The following EYS variants were observed in gnomAD, a reference collection of about 807,000 sequenced individuals.
EYS encodes protein eyes shut homolog.
A neutral mutation model predicts 282.1 loss-of-function variants in EYS; 250 were observed. That is an observed-to-expected ratio of 0.89 (90% CI 0.80 to 0.98). The LOEUF (loss-of-function observed/expected upper bound fraction) is 0.98. Ranked by LOEUF, EYS falls within the 50% of genes least tolerant of loss-of-function variation. The probability of loss-of-function intolerance (pLI) is 0.00; values close to 1 mark genes in which losing one functional copy is unlikely to be tolerated. For synonymous variants in EYS, 1,355 were observed against 1,282.9 expected (o/e 1.06, Z -1.20); for missense variants, 4,016 against 3,709.0 (o/e 1.08, Z -2.15).
At chr6:64,900,811 A>G (rs1767629852) in intron 18 of EYS, among the ~76,000 whole-genome samples, 1 of 152,174 alleles carries the variant, frequency 6.6e-6, no homozygotes, top group African/African-American at 2.4e-5. Flanking sequence ...AATTAGTTCA[A>G]CCATTGTGGA....
intron 28 of EYS, among the ~76,000 whole-genome samples, chr6:64,397,864 A>AT (rs1773427557): frequency 6.6e-6 from 1 of 151,616 alleles, no homozygotes; most frequent in Non-Finnish European, 1.5e-5. Context: ...AGGATAGAAA[A>AT]TTTTTTCTAA....
At chr6:64,100,365 G>A (rs1212555955) in intron 31 of EYS, among the ~76,000 whole-genome samples, 1 of 152,026 alleles carries the variant, frequency 6.6e-6, no homozygotes, top group Non-Finnish European at 1.5e-5. Flanking sequence ...TTTTGTGATA[G>A]TTTCTCTTTT....
chr6:63,847,118 G>A (rs1206440442), intron 36 of EYS, among the ~76,000 whole-genome samples: 1 of 152,068 alleles, frequency 6.6e-6, no homozygotes, highest in South Asian at 2.1e-4. Flanking sequence ...CCCTTTTGAA[G>A]TTCATGTTCA....
intron 22 of EYS, among the ~76,000 whole-genome samples, chr6:64,759,374 T>C (rs1583124552): frequency 6.6e-6 from 1 of 152,308 alleles, no homozygotes; most frequent in African/African-American, 2.4e-5. Context: ...TAATAACTTA[T>C]TTTTAGGTAT....
intron 35 of EYS, among the ~76,000 whole-genome samples, chr6:63,945,911 T>C (rs1582010026): frequency 6.6e-6 from 1 of 152,360 alleles, no homozygotes; most frequent in East Asian, 1.9e-4. Flanking sequence ...CAAGTATTTG[T>C]CCCAACTGCC....
intron 35 of EYS, among the ~76,000 whole-genome samples, chr6:63,898,244 G>T (rs140908877): frequency 0.011 from 1,733 of 152,110 alleles, 37 homozygotes; most frequent in African/African-American, 0.04. Context: ...ATCCCAGCAC[G>T]TTGGGAGGCT....
At chr6:65,670,983 T>C (rs72884159) in intron 1 of EYS, among the ~76,000 whole-genome samples, 221 of 152,076 alleles carry the variant, frequency 1.5e-3, no homozygotes, top group South Asian at 3.1e-3. Context: ...CCTTCAGAAA[T>C]ATGTCTTTTC....
intron 40 of EYS, among the ~76,000 whole-genome samples, chr6:63,772,810 T>A (rs920190034): frequency 3.3e-5 from 5 of 152,280 alleles, no homozygotes; most frequent in African/African-American, 1.2e-4. Flanking sequence ...ATCCTTTTAC[T>A]ACTTCTTGTT....
chr6:65,076,460 C>G (rs1216692091), intron 12 of EYS, among the ~76,000 whole-genome samples: 1 of 151,906 alleles, frequency 6.6e-6, no homozygotes, highest in Non-Finnish European at 1.5e-5. Flanking sequence ...TATATATTCT[C>G]TCTTGGTACT....
At chr6:64,169,502 A>T (rs1204534913) in intron 31 of EYS, among the ~76,000 whole-genome samples, 1 of 151,444 alleles carries the variant, frequency 6.6e-6, no homozygotes, top group Non-Finnish European at 1.5e-5. Context: ...TCATGAAGAT[A>T]TAGCAAGCTG....
chr6:64,752,362 T>C (rs1772785942), intron 22 of EYS, among the ~76,000 whole-genome samples: 1 of 151,924 alleles, frequency 6.6e-6, no homozygotes, highest in Non-Finnish European at 1.5e-5. Context: ...AATTACAAAA[T>C]ATAGTTGAAA....
chr6:64,309,842 G>A (rs1769607256), intron 29 of EYS, among the ~76,000 whole-genome samples: 1 of 151,844 alleles, frequency 6.6e-6, no homozygotes, highest in Non-Finnish European at 1.5e-5. Context: ...GTGCACACCT[G>A]TAGTCCCAGC....
At chr6:65,595,870 A>T (rs1765386733) in intron 2 of EYS, among the ~76,000 whole-genome samples, 1 of 152,052 alleles carries the variant, frequency 6.6e-6, no homozygotes, top group Non-Finnish European at 1.5e-5. Context: ...AATGGAAAAT[A>T]TCAGAAATAA....
intron 12 of EYS, among the ~76,000 whole-genome samples, chr6:65,060,112 T>C (rs1256167153): frequency 6.6e-6 from 1 of 151,954 alleles, no homozygotes; most frequent in Non-Finnish European, 1.5e-5. Flanking sequence ...CTTCAATTTC[T>C]TTCCACCCCT....
Position 64,537,822 on chromosome 6 carries a change from A to G in EYS, c.5644+52401T>C, listed in dbSNP as rs759058276. Among the ~76,000 whole-genome samples the G allele has an allele frequency of 2.0e-5, 3 of 152,130 alleles. 1 individual carries two copies. The highest frequency in any genetic ancestry group is 4.8e-5 in the African/African-American group (2 of 41,432). On this transcript the variant is annotated intron_variant, in intron 26 of 42. Coordinates refer to ENST00000503581, the MANE Select transcript of EYS (RefSeq NM_001142800.2). ...TTGTTCTTGACTTTCCATTGCAACC[A>G]CCTCTGGGGTAATATTTTTAAAAGA...
At chr6:64,835,857 C>T (rs7753476) in intron 19 of EYS, among the ~76,000 whole-genome samples, 2,594 of 151,522 alleles carry the variant, frequency 0.017, 74 homozygotes, top group African/African-American at 0.059. Context: ...AGTGCAGTAA[C>T]GTGGTAGTAT....
chr6:65,525,522 A>G (rs1414825787), intron 2 of EYS, among the ~76,000 whole-genome samples: 2 of 152,108 alleles, frequency 1.3e-5, no homozygotes, highest in Non-Finnish European at 2.9e-5. Context: ...ACCATCAATT[A>G]CTCTCACAGT....
At chr6:64,101,824 A>T (rs1772838905) in intron 31 of EYS, among the ~76,000 whole-genome samples, 1 of 151,952 alleles carries the variant, frequency 6.6e-6, no homozygotes. Context: ...ATAACATAGA[A>T]TCAGTGGGAG....
At chr6:63,972,431 T>C (rs1229573887) in intron 35 of EYS, among the ~76,000 whole-genome samples, 1 of 152,226 alleles carries the variant, frequency 6.6e-6, no homozygotes, top group Non-Finnish European at 1.5e-5. Context: ...CTCTTGACTG[T>C]TAGAGTAATC....
Sources: allele counts gnomAD v4.1 joint callset (sites outside exome capture counted in the v4.1 genomes callset), GRCh38; gene constraint gnomAD v4.1.1; transcripts MANE v1.5; gene names NCBI Gene and HGNC (gene_info 2026-07-23, HGNC 2026-07-21).